Variants in CCDC85A observed in about 807,000 individuals in gnomAD.
The protein encoded by CCDC85A is coiled-coil domain-containing protein 85A.
In CCDC85A, 38 loss-of-function variants were observed where a neutral mutation model predicts 50.2. The observed-to-expected ratio is 0.76, with a 90% CI of 0.58 to 0.99. The LOEUF is 0.99. Ranked by LOEUF, CCDC85A falls within the 50% of genes least tolerant of loss-of-function variation. CCDC85A has a pLI of 0.00. For missense variants in CCDC85A, 820 were observed against 742.0 expected (o/e 1.11, Z -1.22); for synonymous variants, 366 against 301.4 (o/e 1.21, Z -2.22).
intron 2 of CCDC85A, among the ~76,000 whole-genome samples, chr2:56,337,127 A>G (rs1674113104): frequency 6.6e-6 from 1 of 152,188 alleles, no homozygotes; most frequent in Non-Finnish European, 1.5e-5. Flanking sequence ...AGTACCAGTA[A>G]AATTTGAATT....
intron 2 of CCDC85A, among the ~76,000 whole-genome samples, chr2:56,324,960 A>G (rs1009616689): frequency 2.6e-5 from 4 of 152,032 alleles, no homozygotes; most frequent in Non-Finnish European, 5.9e-5. Context: ...TTTATAATTT[A>G]AAGTTTCCTC....
intron 2 of CCDC85A, among the ~76,000 whole-genome samples, chr2:56,296,819 A>C (rs1475678264): frequency 6.6e-6 from 1 of 152,308 alleles, no homozygotes; most frequent in African/African-American, 2.4e-5. Flanking sequence ...TAGCATAATA[A>C]TTATCTATTT....
At chr2:56,323,325 T>C (rs1353853666) in intron 2 of CCDC85A, among the ~76,000 whole-genome samples, 1 of 151,866 alleles carries the variant, frequency 6.6e-6, no homozygotes, top group East Asian at 1.9e-4. Flanking sequence ...GTTGCAGAGA[T>C]ATTGAATAGC....
chr2:56,356,631 A>G (rs555744007), intron 3 of CCDC85A, among the ~76,000 whole-genome samples: 2 of 151,520 alleles, frequency 1.3e-5, no homozygotes, highest in Non-Finnish European at 2.9e-5. Context: ...CTACTGAGGC[A>G]GGAGAATCAC....
At chr2:56,349,415 T>A (rs986475157) in intron 3 of CCDC85A, among the ~76,000 whole-genome samples, 1 of 152,038 alleles carries the variant, frequency 6.6e-6, no homozygotes, top group Admixed American at 6.6e-5. Flanking sequence ...AAAAGTAAAT[T>A]TATGGAGAAA....
chr2:56,342,328 G>A (rs1298401936), intron 2 of CCDC85A, among the ~76,000 whole-genome samples: 1 of 151,950 alleles, frequency 6.6e-6, no homozygotes, highest in East Asian at 1.9e-4. Context: ...TCAAACTTCA[G>A]AAATATTTTT....
At chr2:56,248,619 C>T (rs1274898058) in intron 2 of CCDC85A, among the ~76,000 whole-genome samples, 6 of 152,178 alleles carry the variant, frequency 3.9e-5, no homozygotes, top group Admixed American at 2.0e-4. Flanking sequence ...TCAACACAAA[C>T]GTAGCAATTT....
At chr2:56,372,990 A>T (rs1056651742) in intron 4 of CCDC85A, among the ~76,000 whole-genome samples, 1 of 152,244 alleles carries the variant, frequency 6.6e-6, no homozygotes, top group Non-Finnish European at 1.5e-5. Flanking sequence ...AAAATGTATT[A>T]GTCGACTGAG....
At chr2:56,263,047 A>G (rs181799755) in intron 2 of CCDC85A, among the ~76,000 whole-genome samples, 1 of 152,220 alleles carries the variant, frequency 6.6e-6, no homozygotes, top group Admixed American at 6.5e-5. Context: ...CTTAGGTAAG[A>G]AAAGCACTAG....
chr2:56,358,989 A>T (rs1340629452), intron 3 of CCDC85A, among the ~76,000 whole-genome samples: 2 of 146,156 alleles, frequency 1.4e-5, no homozygotes, highest in Non-Finnish European at 3.0e-5. Flanking sequence ...TTTTTAGTAG[A>T]GATGGGGTTT....
intron 3 of CCDC85A, among the ~76,000 whole-genome samples, chr2:56,365,948 C>T (rs1675769472): frequency 6.6e-6 from 1 of 151,888 alleles, no homozygotes; most frequent in East Asian, 1.9e-4. Context: ...CCACCTTTCT[C>T]CTCTCTAAGT....
At chr2:56,363,500 A>G (rs1256122846) in intron 3 of CCDC85A, among the ~76,000 whole-genome samples, 1 of 152,216 alleles carries the variant, frequency 6.6e-6, no homozygotes, top group Non-Finnish European at 1.5e-5. Context: ...TACATACAAG[A>G]AGCTGACTCT....
chr2:56,340,359 G>A (rs1674293763), intron 2 of CCDC85A, among the ~76,000 whole-genome samples: 1 of 152,140 alleles, frequency 6.6e-6, no homozygotes, highest in African/African-American at 2.4e-5. Flanking sequence ...AAACACTTAG[G>A]TGCACTACCG....
intron 2 of CCDC85A, among the ~76,000 whole-genome samples, chr2:56,235,838 G>A (rs1000283565): frequency 6.6e-6 from 1 of 152,188 alleles, no homozygotes; most frequent in African/African-American, 2.4e-5. Flanking sequence ...ATCAAGAAGT[G>A]TGAGGTCTTT....
chr2:56,311,456 TG>T lies in CCDC85A; in HGVS notation c.1241-31422del, dbSNP rs776478949. 3.2e-3 allele frequency among the ~76,000 whole-genome samples: 493 copies of T among 152,032 alleles called. 2 individuals are homozygous for T. Among genetic ancestry groups the T allele is most frequent in the Non-Finnish European group, 5.1e-3 (344 of 67,978 alleles). ...CTTAAGCTAATGATCTGTTCATCGTTGTTTTTTTTTTTAATTTTATTATTAT... is the reference window on the plus strand; with the variant it reads ...CTTAAGCTAATGATCTGTTCATCGTTTTTTTTTTTTTAATTTTATTATTAT... On this transcript the variant is annotated intron_variant, in intron 2 of 5. Coordinates refer to ENST00000407595, the MANE Select transcript of CCDC85A (RefSeq NM_001080433.2).
At position 56,232,717 on chromosome 2, in the gene CCDC85A, G is replaced by T. The variant is rs188306178; in HGVS notation, c.1240+39277G>T. 2.0e-5 allele frequency among the ~76,000 whole-genome samples: 3 copies of T among 152,208 alleles called. No individual in the cohort carries two copies. The East Asian group carries it at 5.8e-4, about 29-fold the overall frequency. ...TATTTTTTCATATCAGCATGAGAAT[G>T]ATCTAATACACATCCCCTCACCACT... On this transcript the variant is annotated intron_variant, in intron 2 of 5. Transcript: ENST00000407595.
rs562078887 is a variant in CCDC85A, at chr2:56,285,246, C to T, written c.1241-57633C>T. Among the ~76,000 whole-genome samples the T allele has an allele frequency of 5.3e-5, 8 of 151,256 alleles. No individual in the cohort carries two copies. In the South Asian group the frequency reaches 6.3e-4, roughly 12 times the overall value. ...CCTCCCAAGTAGCTGGGATTACAGG[C>T]GCATGCCACCATGCCCAGCTAATTT... On this transcript the variant is annotated intron_variant, in intron 2 of 5. Coordinates refer to ENST00000407595, the MANE Select transcript of CCDC85A (RefSeq NM_001080433.2).
At chr2:56,349,487 A>C (rs1376488681) in intron 3 of CCDC85A, among the ~76,000 whole-genome samples, 1 of 152,212 alleles carries the variant, frequency 6.6e-6, no homozygotes, top group African/African-American at 2.4e-5. Context: ...AAAATTTGTC[A>C]GAGAAAATGT....
intron 2 of CCDC85A, among the ~76,000 whole-genome samples, chr2:56,202,482 A>C (rs184893315): frequency 1.4e-4 from 22 of 152,320 alleles, no homozygotes; most frequent in African/African-American, 5.3e-4. Context: ...AGCCACTTGC[A>C]TTCACAGCCA....
Sources: gnomAD v4.1 joint callset for allele counts (sites outside exome capture counted in the v4.1 genomes callset) on GRCh38, gnomAD v4.1.1 for gene constraint, MANE v1.5 for transcripts, NCBI Gene and HGNC (gene_info 2026-07-23, HGNC 2026-07-21) for gene names.